Variants in CSMD2 observed in about 807,000 individuals in gnomAD.
CSMD2 encodes CUB and sushi domain-containing protein 2.
In CSMD2, 130 loss-of-function variants were observed where a neutral mutation model predicts 398.5. The ratio of observed to expected loss-of-function variants is 0.33; its 90% CI spans 0.28 to 0.38. The LOEUF (loss-of-function observed/expected upper bound fraction) is 0.38. Among genes scored for constraint, CSMD2 ranks in the 10% least tolerant of loss-of-function variants. CSMD2 has a pLI of 1.00. For missense variants in CSMD2, 3,829 were observed against 4,764.9 expected, an observed-to-expected ratio of 0.80 and a Z score of 5.78; for synonymous variants, 1,828 against 1,908.5, an observed-to-expected ratio of 0.96 and a Z score of 1.10.
At chr1:33,966,904 C>T (rs770279090) in intron 3 of CSMD2, among the ~76,000 whole-genome samples, 31 of 152,136 alleles carry the variant, frequency 2.0e-4, no homozygotes, top group Non-Finnish European at 4.4e-4. Flanking sequence ...CTGGGAGCCA[C>T]GTCAACATTT....
intron 62 of CSMD2, among the ~76,000 whole-genome samples, 164 bp downstream of exon 62, chr1:33,536,858 C>G (rs893178277): frequency 9.2e-5 from 14 of 152,204 alleles, no homozygotes; most frequent in African/African-American, 3.4e-4. Flanking sequence ...GCAGGGTGCT[C>G]CCATGGAGCA....
At chr1:33,913,851 T>TG (rs1643587377) in intron 5 of CSMD2, among the ~76,000 whole-genome samples, 1 of 151,958 alleles carries the variant, frequency 6.6e-6, no homozygotes, top group Admixed American at 6.6e-5. Flanking sequence ...ATGGAGAGTG[T>TG]TGGGTATGAG....
At chr1:33,837,031 A>G (rs1186951037) in intron 6 of CSMD2, among the ~76,000 whole-genome samples, 1 of 152,182 alleles carries the variant, frequency 6.6e-6, no homozygotes, top group African/African-American at 2.4e-5. Flanking sequence ...GCATTAAGAC[A>G]TCACTTCCAG....
At chr1:34,092,741 C>G (rs1339806767) in intron 1 of CSMD2, among the ~76,000 whole-genome samples, 1 of 152,172 alleles carries the variant, frequency 6.6e-6, no homozygotes, top group East Asian at 1.9e-4. Flanking sequence ...TATCCCGCAC[C>G]TGGCTCGGAG....
chr1:33,630,879 C>T (rs568766457), intron 32 of CSMD2, among the ~76,000 whole-genome samples: 6 of 152,200 alleles, frequency 3.9e-5, no homozygotes, highest in African/African-American at 1.4e-4. Flanking sequence ...GAACATAGTA[C>T]ATATCAAAAT....
At chr1:34,128,235 C>A (rs1662947512) in intron 1 of CSMD2, among the ~76,000 whole-genome samples, 1 of 152,110 alleles carries the variant, frequency 6.6e-6, no homozygotes, top group Non-Finnish European at 1.5e-5. Context: ...CTCCACTTAG[C>A]CCCCAGCACT....
Position 34,164,661 on chromosome 1 carries a change from G to T in CSMD2, c.187+250C>A, listed in dbSNP as rs1362905803. Among the ~76,000 whole-genome samples, 1 of 152,112 alleles carries T rather than the reference G, an allele frequency of 6.6e-6. No homozygotes were observed. The highest frequency in any genetic ancestry group is 1.5e-5 in the Non-Finnish European group (1 of 68,024). ...TGTCTGTCTCCCAGGCCCCCACACC[G>T]GCCGCATCCGTCCAAGTTGCGGCTG... On this transcript the variant is annotated intron_variant, in intron 1 of 70. Transcript: ENST00000373381. The surrounding 1 kb of genome is among the most constrained non-coding windows in gnomAD (Gnocchi z 6.2).
intron 25 of CSMD2, among the ~76,000 whole-genome samples, chr1:33,668,151 G>T (rs1422742759): frequency 6.6e-6 from 1 of 152,136 alleles, no homozygotes; most frequent in Non-Finnish European, 1.5e-5. Context: ...GAGAGCATGT[G>T]CAAAGGTCAC....
At chr1:33,575,568 G>T (rs773273322) in intron 49 of CSMD2, among the ~76,000 whole-genome samples, 1 of 152,124 alleles carries the variant, frequency 6.6e-6, no homozygotes, top group East Asian at 1.9e-4. Context: ...GGGTGCAGTG[G>T]GGAGAAGACA....
Position 33,652,305 on chromosome 1 carries a change from CG to C in CSMD2, c.4586+17del, listed in dbSNP as rs747642582. ...CACTCTGAACCCTTCGTCTCCCACC[CG>C]GGGGAAAGGTACATACATGTTAAAT... is the stretch of plus-strand genomic sequence containing the variant. On this transcript the variant is annotated intron_variant, in intron 28 of 70. Transcript: ENST00000373381. 4 of 1,612,570 alleles carry C rather than the reference CG, an allele frequency of 2.5e-6. No homozygotes were observed. The African/African-American group carries it at 5.3e-5, about 22-fold the overall frequency.
Position 33,713,553 on chromosome 1 carries a change from C to T in CSMD2, c.3406+1034G>A, listed in dbSNP as rs558943793. Among the ~76,000 whole-genome samples, 51 of 152,254 alleles carry T rather than the reference C, an allele frequency of 3.3e-4. No individual in the cohort carries two copies. In the South Asian group the frequency reaches 5.4e-3, roughly 16 times the overall value. On this transcript the variant is annotated intron_variant, in intron 21 of 70. Transcript: ENST00000373381. ...CATTAGGGACAGACAGCAATCACTC[C>T]GCCCTGGGGAAAATACTTGCTTCCC...
chr1:33,649,154 C>T lies in CSMD2; in HGVS notation c.4587-2319G>A, dbSNP rs148209300. ...ATATATCTAACAAAGGCAATTGATA[C>T]CAATCAAGTGTGCAAAGATGAAAAC... On this transcript the variant is annotated intron_variant, in intron 28 of 70. Transcript: ENST00000373381. 5.1e-4 allele frequency among the ~76,000 whole-genome samples: 77 copies of T among 152,232 alleles called. No homozygotes were observed. In the East Asian group the frequency reaches 0.012, roughly 23 times the overall value.
intron 47 of CSMD2, among the ~76,000 whole-genome samples, chr1:33,583,315 GA>G (rs894260392): frequency 2.0e-5 from 3 of 152,216 alleles, no homozygotes; most frequent in African/African-American, 7.2e-5. Flanking sequence ...ATGTTTGGTA[GA>G]TCTCTGGGTT....
chr1:33,823,062 G>T (rs550127929), intron 7 of CSMD2, among the ~76,000 whole-genome samples: 1 of 152,288 alleles, frequency 6.6e-6, no homozygotes, highest in Admixed American at 6.5e-5. Context: ...AGAACGAACA[G>T]AAGTCTGCCC....
At chr1:33,655,850 C>T (rs551592972) in intron 27 of CSMD2, among the ~76,000 whole-genome samples, 7 of 152,276 alleles carry the variant, frequency 4.6e-5, no homozygotes, top group South Asian at 4.1e-4. Flanking sequence ...TGTAGAAGAA[C>T]GGGTGATGAA....
intron 5 of CSMD2, among the ~76,000 whole-genome samples, chr1:33,916,422 A>G (rs1643724923): frequency 6.6e-6 from 1 of 152,234 alleles, no homozygotes; most frequent in South Asian, 2.1e-4. Context: ...GGGTCTTCAC[A>G]CTGCGCAGAT....
rs1244286266 is a variant in CSMD2, at chr1:33,952,140, C to A, written c.518-16186G>T. On this transcript the variant is annotated intron_variant, in intron 3 of 70. Transcript: ENST00000373381. ...GGGCTGAGTCCTAGGAAACTCTGAC[C>A]AAGAGGCTGTGATGACCCCAAGTAT... 1.6e-4 allele frequency among the ~76,000 whole-genome samples: 24 copies of A among 152,132 alleles called. 1 individual carries two copies. Among genetic ancestry groups the A allele is most frequent in the Admixed American group, 1.6e-3 (24 of 15,278 alleles).
intron 9 of CSMD2, among the ~76,000 whole-genome samples, chr1:33,817,297 G>A (rs1339594157): frequency 6.6e-6 from 1 of 152,170 alleles, no homozygotes; most frequent in Admixed American, 6.5e-5. Flanking sequence ...AGAGAAGAAG[G>A]CAGGAATATT....
intron 2 of CSMD2, among the ~76,000 whole-genome samples, chr1:34,052,287 TAAA>T (rs1653273752): frequency 6.6e-6 from 1 of 151,512 alleles, no homozygotes; most frequent in East Asian, 1.9e-4. Flanking sequence ...ATAAAAATAA[TAAA>T]AATTTTAAAA....
Sources: allele counts gnomAD v4.1 joint callset (sites outside exome capture counted in the v4.1 genomes callset), GRCh38; gene constraint gnomAD v4.1.1; non-coding constraint Gnocchi (gnomAD v3.1); transcripts MANE v1.5; gene names NCBI Gene and HGNC (gene_info 2026-07-23, HGNC 2026-07-21).